DPYD: variants seen among roughly 807,000 people sequenced by gnomAD.
DPYD encodes dihydropyrimidine dehydrogenase [NADP(+)].
A neutral mutation model predicts 116.2 loss-of-function variants in DPYD; 109 were observed. The observed-to-expected ratio is 0.94, with a 90% CI of 0.80 to 1.10. DPYD has a LOEUF of 1.10. DPYD is among the 50% of genes least tolerant of loss of function. DPYD has a pLI of 0.00. For missense variants in DPYD, 1,302 were observed against 1,254.5 expected (o/e 1.04, Z -0.57); for synonymous variants, 440 against 432.0 (o/e 1.02, Z -0.23).
At position 97,166,206 on chromosome 1, in the gene DPYD, T is replaced by C. The variant is rs568125624; in HGVS notation, c.2622+26863A>G. ...ACCTAAATGCCCATCAATGGCAGAT[T>C]AGATAAAGAAAATATGGTACATATA... On this transcript the variant is annotated intron_variant, in intron 20 of 22. Transcript: ENST00000370192. Among the ~76,000 whole-genome samples, 13 of 152,288 alleles carry C rather than the reference T, an allele frequency of 8.5e-5. No individual in the cohort carries two copies. The South Asian group carries it at 2.7e-3, about 32-fold the overall frequency.
intron 18 of DPYD, among the ~76,000 whole-genome samples, chr1:97,236,041 T>C (rs1469701813): frequency 2.0e-5 from 3 of 152,210 alleles, no homozygotes; most frequent in Non-Finnish European, 4.4e-5. Flanking sequence ...AATGAGTATA[T>C]TGTACTAAAG....
intron 10 of DPYD, among the ~76,000 whole-genome samples, chr1:97,591,177 G>A (rs184237844): frequency 1.2e-4 from 18 of 152,164 alleles, no homozygotes; most frequent in African/African-American, 3.4e-4. Context: ...TCATCTCATC[G>A]GAGAGGTCTT....
At chr1:97,349,058 T>G (rs975924147) in intron 16 of DPYD, among the ~76,000 whole-genome samples, 1 of 152,198 alleles carries the variant, frequency 6.6e-6, no homozygotes, top group Non-Finnish European at 1.5e-5. Flanking sequence ...AGTCCTGTAG[T>G]ACAGAAACCT....
intron 7 of DPYD, among the ~76,000 whole-genome samples, chr1:97,690,011 T>G (rs971278552): frequency 1.3e-5 from 2 of 152,064 alleles, no homozygotes; most frequent in African/African-American, 4.8e-5. Flanking sequence ...ATGTAACAGA[T>G]TCACAGTTTA....
intron 18 of DPYD, among the ~76,000 whole-genome samples, chr1:97,269,259 A>G (rs1248966336): frequency 6.6e-6 from 1 of 152,148 alleles, no homozygotes; most frequent in Non-Finnish European, 1.5e-5. Flanking sequence ...ACATTTCTAC[A>G]ACATTCTGAT....
chr1:97,538,130 A>G (rs907988444), intron 12 of DPYD, among the ~76,000 whole-genome samples: 1 of 151,932 alleles, frequency 6.6e-6, no homozygotes, highest in Non-Finnish European at 1.5e-5. Context: ...ATGGATGTGC[A>G]CCTCTTGGCC....
At chr1:97,293,781 A>G (rs754641925) in intron 18 of DPYD, among the ~76,000 whole-genome samples, 3 of 152,056 alleles carry the variant, frequency 2.0e-5, no homozygotes, top group Non-Finnish European at 4.4e-5. Flanking sequence ...ATCTCTACTA[A>G]AAATACAAAA....
intron 20 of DPYD, among the ~76,000 whole-genome samples, chr1:97,130,723 TTTC>T (rs1463257315): frequency 2.4e-5 from 3 of 127,536 alleles, no homozygotes; most frequent in Non-Finnish European, 3.5e-5. Flanking sequence ...TCTCTCTTTC[TTTC>T]TTTCTTCCTT....
intron 12 of DPYD, among the ~76,000 whole-genome samples, chr1:97,519,065 C>T (rs945776212): frequency 2.6e-5 from 4 of 152,056 alleles, no homozygotes; most frequent in African/African-American, 9.7e-5. Context: ...TTATAATTTT[C>T]ATATTTTCAA....
chr1:97,148,256 G>T lies in DPYD; in HGVS notation c.2622+44813C>A, dbSNP rs1162562500. ...GTGTAGGGTGTGTGTGTGTGTGTGGGGGGGGTGTGTGTGTTCTTTTGGGAT... is the reference window on the plus strand; with the variant it reads ...GTGTAGGGTGTGTGTGTGTGTGTGGTGGGGGTGTGTGTGTTCTTTTGGGAT... On this transcript the variant is annotated intron_variant, in intron 20 of 22. Transcript: ENST00000370192. 6.0e-5 allele frequency among the ~76,000 whole-genome samples: 9 copies of T among 150,822 alleles called. No homozygotes were observed. The South Asian group carries it at 8.5e-4, about 14-fold the overall frequency.
intron 8 of DPYD, among the ~76,000 whole-genome samples, chr1:97,605,301 A>T (rs1224296605): frequency 6.6e-6 from 1 of 152,038 alleles, no homozygotes; most frequent in East Asian, 1.9e-4. Flanking sequence ...AATCTCTGTA[A>T]TCCCCATTAA....
At chr1:97,661,287 G>A (rs1659241263) in intron 8 of DPYD, among the ~76,000 whole-genome samples, 1 of 152,106 alleles carries the variant, frequency 6.6e-6, no homozygotes. Flanking sequence ...TGCCTACAGT[G>A]TTCTCTCCAC....
chr1:97,714,619 A>G (rs1200576671), intron 5 of DPYD, among the ~76,000 whole-genome samples: 1 of 147,372 alleles, frequency 6.8e-6, no homozygotes, highest in East Asian at 2.0e-4. Context: ...AAAACTTAAG[A>G]TTCATTCCTG....
At chr1:97,209,427 A>AT (rs1486679316) in intron 19 of DPYD, among the ~76,000 whole-genome samples, 1 of 152,124 alleles carries the variant, frequency 6.6e-6, no homozygotes, top group Non-Finnish European at 1.5e-5. Context: ...ACTCACATTT[A>AT]TTTTTTGTGT....
chr1:97,140,322 G>T (rs556139055), intron 20 of DPYD, among the ~76,000 whole-genome samples: 1 of 152,060 alleles, frequency 6.6e-6, no homozygotes, highest in South Asian at 2.1e-4. Flanking sequence ...GAAAGCTGCT[G>T]CAATATAACT....
At chr1:97,883,022 G>T (rs940190206) in intron 2 of DPYD, among the ~76,000 whole-genome samples, 4 of 151,810 alleles carry the variant, frequency 2.6e-5, no homozygotes, top group Non-Finnish European at 5.9e-5. Flanking sequence ...TTCAGATTTG[G>T]GTATTATGAA....
At chr1:97,706,041 C>A (rs1285816634) in intron 5 of DPYD, among the ~76,000 whole-genome samples, 1 of 151,734 alleles carries the variant, frequency 6.6e-6, no homozygotes, top group Non-Finnish European at 1.5e-5. Context: ...AAAAAATTCA[C>A]TATATTTCTC....
At chr1:97,684,748 A>G (rs1046405254) in intron 7 of DPYD, among the ~76,000 whole-genome samples, 1 of 152,176 alleles carries the variant, frequency 6.6e-6, no homozygotes, top group Non-Finnish European at 1.5e-5. Context: ...AGTCTAGAAG[A>G]AATGGATAAA....
chr1:97,577,135 G>C (rs140765046), intron 10 of DPYD, among the ~76,000 whole-genome samples: 1 of 152,224 alleles, frequency 6.6e-6, no homozygotes, highest in East Asian at 1.9e-4. Context: ...ATGCTGCCTT[G>C]GCATCTATTT....
Sources: gnomAD v4.1 joint callset for allele counts (sites outside exome capture counted in the v4.1 genomes callset) on GRCh38, gnomAD v4.1.1 for gene constraint, MANE v1.5 for transcripts, NCBI Gene and HGNC (gene_info 2026-07-23, HGNC 2026-07-21) for gene names.